The following PHF21A variants were observed in gnomAD, a reference collection of about 807,000 sequenced individuals.
PHF21A encodes BHC80a.
A neutral mutation model predicts 82.5 loss-of-function variants in PHF21A; 11 were observed. That is an observed-to-expected ratio of 0.13 (90% CI 0.08 to 0.22). The LOEUF is 0.22. PHF21A is among the 10% of genes least tolerant of loss of function. The pLI is 1.00. For missense variants in PHF21A, 579 were observed against 837.8 expected (o/e 0.69, Z 3.81); for synonymous variants, 297 against 302.8 (o/e 0.98, Z 0.20).
chr11:46,113,901 A>C (rs1324033681), intron 1 of PHF21A, among the ~76,000 whole-genome samples: 4 of 152,156 alleles, frequency 2.6e-5, no homozygotes, highest in African/African-American at 9.6e-5. Context: ...TTTTATAAAT[A>C]ATTTTTCTTG....
chr11:46,109,226 C>T (rs1295353343), intron 1 of PHF21A, among the ~76,000 whole-genome samples: 1 of 152,170 alleles, frequency 6.6e-6, no homozygotes, highest in African/African-American at 2.4e-5. Flanking sequence ...CCGAGGGAAA[C>T]CTCTACTTCC....
At chr11:45,948,402 A>G (rs766514920) in intron 14 of PHF21A, among the ~76,000 whole-genome samples, 1 of 152,188 alleles carries the variant, frequency 6.6e-6, no homozygotes, top group Non-Finnish European at 1.5e-5. Context: ...CCTCTTCTCA[A>G]AGATTCTAAG....
intron 6 of PHF21A, among the ~76,000 whole-genome samples, chr11:46,029,413 C>T (rs187702489): frequency 2.6e-5 from 4 of 152,256 alleles, no homozygotes; most frequent in African/African-American, 9.6e-5. Flanking sequence ...ACTGGCTGGG[C>T]GCAGTGGCTC....
chr11:46,113,993 C>T lies in PHF21A; in HGVS notation c.-237+6942G>A, dbSNP rs1056169665. Among the ~76,000 whole-genome samples the T allele has an allele frequency of 1.4e-4, 21 of 151,716 alleles. 2 individuals are homozygous for T. The highest frequency in any genetic ancestry group is 1.2e-3 in the Admixed American group (19 of 15,236). ...AATTTTTTTAGTAATACGCACACAC[C>T]CCATCACAAAAACAAACAAAAAACA... On this transcript the variant is annotated intron_variant, in intron 1 of 18. Coordinates refer to ENST00000676320, the MANE Select transcript of PHF21A (RefSeq NM_001352027.3).
intron 6 of PHF21A, 151 bp from the exon 7 acceptor site, chr11:45,980,117 A>C: frequency 8.7e-7 from 1 of 1,155,828 alleles, no homozygotes; most frequent in Non-Finnish European, 1.2e-6. Context: ...AAGAGCTTAA[A>C]GCATTTAATA....
intron 1 of PHF21A, among the ~76,000 whole-genome samples, chr11:46,094,588 C>T (rs2096968133): frequency 6.6e-6 from 1 of 152,148 alleles, no homozygotes; most frequent in Non-Finnish European, 1.5e-5. Context: ...ATCACATAAG[C>T]CATCTTAAAA....
At position 45,939,771 on chromosome 11, in the gene PHF21A, C is replaced by CAAA. The variant is rs56931455; in HGVS notation, c.1453-1462_1453-1460dup. 2.4e-3 allele frequency among the ~76,000 whole-genome samples: 146 copies of CAAA among 60,352 alleles called. 1 individual carries two copies. The highest frequency in any genetic ancestry group is 9.1e-3 in the African/African-American group (138 of 15,220). 39.6% of individuals were successfully genotyped at this position (60,352 alleles called of 152,430 possible). A position where few individuals can be genotyped will look rare whatever the true frequency, so the allele number is the denominator to read the frequency against. ...AAAATTGGAAGAGGAGAACATAGCC[C>CAAA]AAAAAAAAAAAAAAAAAAAAAAAAG... On this transcript the variant is annotated intron_variant, in intron 15 of 18. Coordinates refer to ENST00000676320, the MANE Select transcript of PHF21A (RefSeq NM_001352027.3).
In PHF21A at chr11:45,971,320, G is replaced by A. The variant is rs746891776; in HGVS notation, c.408C>T (p.Leu136=). Residue 136 remains leucine (L), a synonymous_variant, in exon 8 of 19, where the codon CTC becomes CTT. Coordinates refer to ENST00000676320, the MANE Select transcript of PHF21A (RefSeq NM_001352027.3). ...ASMITTKTLP[L]VLKAATATMP... ...TGGTCGCAGTTGCTGCTTTCAAGAC[G>A]AGAGGTAGTGTCTTTGTGGTAATCA... 6 of 1,614,104 alleles carry A rather than the reference G, an allele frequency of 3.7e-6. No homozygotes were observed. The highest frequency in any genetic ancestry group is 1.7e-4 in the Middle Eastern group (1 of 6,056).
chr11:46,110,907 T>A (rs545461714), intron 1 of PHF21A, among the ~76,000 whole-genome samples: 24 of 151,530 alleles, frequency 1.6e-4, no homozygotes, highest in African/African-American at 5.8e-4. Flanking sequence ...TGCCTCAGCC[T>A]CCCGAGTAGC....
At position 45,945,833 on chromosome 11, in the gene PHF21A, T is replaced by C; in HGVS notation, c.1452+7A>G. 6.4e-7 allele frequency: 1 copy of C among 1,560,366 alleles called. No homozygotes were observed. Among genetic ancestry groups the C allele is most frequent in the Non-Finnish European group, 8.6e-7 (1 of 1,156,310 alleles). On this transcript the variant is annotated splice_region_variant and intron_variant, in intron 15 of 18. Coordinates refer to ENST00000676320, the MANE Select transcript of PHF21A (RefSeq NM_001352027.3). ...GAAAGACAGTGTGCTTTTCCCAAGT[T>C]ACTTACGTCTGTGGAGGTGGGGCTG...
intron 6 of PHF21A, among the ~76,000 whole-genome samples, chr11:46,005,884 G>A (rs2095282334): frequency 6.6e-6 from 1 of 152,070 alleles, no homozygotes; most frequent in Non-Finnish European, 1.5e-5. Flanking sequence ...CATGTGAATC[G>A]TATTCATTTC....
At chr11:45,945,415 A>G (rs921305083) in intron 15 of PHF21A, among the ~76,000 whole-genome samples, 5 of 152,214 alleles carry the variant, frequency 3.3e-5, no homozygotes, top group African/African-American at 1.2e-4. Context: ...GTTGCTCTAA[A>G]GAAAACTTTC....
chr11:45,934,933 C>A, intron 18 of PHF21A: 1 of 404,998 alleles, frequency 2.5e-6, no homozygotes, highest in Non-Finnish European at 4.9e-6. Context: ...GTAAGCAGGA[C>A]AGTTCAACTG....
At chr11:46,105,192 A>T (rs901319424) in intron 1 of PHF21A, among the ~76,000 whole-genome samples, 1 of 152,210 alleles carries the variant, frequency 6.6e-6, no homozygotes, top group Non-Finnish European at 1.5e-5. Context: ...GGCCCATGCA[A>T]AGTGGCTCCT....
At chr11:45,949,310 T>TG in intron 13 of PHF21A, 92 bp downstream of exon 13, 1 of 1,026,244 alleles carries the variant, frequency 9.7e-7, no homozygotes, top group South Asian at 1.3e-5. Context: ...ATCAGGGTGC[T>TG]GCTCTTCAGC....
At chr11:46,040,890 GACACACACACACACACACACACAC>G (rs35673374) in intron 6 of PHF21A, among the ~76,000 whole-genome samples, 2 of 137,222 alleles carry the variant, frequency 1.5e-5, no homozygotes, top group South Asian at 2.4e-4. Flanking sequence ...CTGACAGGAA[GACACACACACACACACACACACAC>G]ACACACACAC....
rs191358284 is a variant in PHF21A at position 46,024,804 on chromosome 11, A to G, written c.154-44838T>C. 2.8e-3 allele frequency among the ~76,000 whole-genome samples: 433 copies of G among 152,284 alleles called. 1 individual carries two copies. The highest frequency in any genetic ancestry group is 5.5e-3 in the Admixed American group (84 of 15,286). On this transcript the variant is annotated intron_variant, in intron 6 of 18. Transcript: ENST00000676320. The stretch of plus-strand genomic sequence containing the variant: ...GACCAAGTGAGACTCCATCTCAAAA[A>G]AAAGAAAGAAAGAAAGAAAGACTTA...
In PHF21A at chr11:45,929,733, T is replaced by C. The variant is rs1220279630; in HGVS notation, c.*4235A>G. The C allele has an allele frequency of 2.6e-5, 4 of 152,332 alleles. No individual in the cohort carries two copies. Among genetic ancestry groups the C allele is most frequent in the African/African-American group, 9.6e-5 (4 of 41,546 alleles). 9.4% of individuals were successfully genotyped at this position (152,332 alleles called of 1,614,324 possible). On this transcript the variant is annotated 3_prime_UTR_variant, in exon 19 of 19. Coordinates refer to ENST00000676320, the MANE Select transcript of PHF21A (RefSeq NM_001352027.3). ...GGAACTGGAGAGCCCTGCTTCCGTT[T>C]AGAGGAGGTATTTTTCAGAGTTCCT...
At chr11:45,981,392 CAAAAAAAAA>C (rs59866051) in intron 6 of PHF21A, among the ~76,000 whole-genome samples, 5 of 60,292 alleles carry the variant, frequency 8.3e-5, no homozygotes, top group East Asian at 2.5e-4. Context: ...AACCCTGTCT[CAAAAAAAAA>C]AAAAAAAAAA....
Sources: gnomAD v4.1 joint callset for allele counts (sites outside exome capture counted in the v4.1 genomes callset) on GRCh38, gnomAD v4.1.1 for gene constraint, MANE v1.5 for transcripts, NCBI Gene and HGNC (gene_info 2026-07-23, HGNC 2026-07-21) for gene names.